Variants in PACRG observed in about 807,000 individuals in gnomAD.
PACRG encodes the protein parkin coregulated, also known as parkin coregulated gene protein.
PACRG carries 29 observed loss-of-function variants against 29.7 expected under a neutral mutation model. The observed-to-expected ratio is 0.98, with a 90% CI of 0.73 to 1.33. The LOEUF (loss-of-function observed/expected upper bound fraction) is 1.33. Ranked by LOEUF, PACRG falls within the 40% of genes most tolerant of loss-of-function variation. PACRG has a pLI of 0.00. For missense variants in PACRG, 279 were observed against 316.2 expected (o/e 0.88, Z 0.89); for synonymous variants, 116 against 118.7 (o/e 0.98, Z 0.15).
intron 2 of PACRG, among the ~76,000 whole-genome samples, chr6:163,037,236 C>T (rs1448858530): frequency 6.6e-6 from 1 of 152,186 alleles, no homozygotes; most frequent in East Asian, 1.9e-4. Flanking sequence ...TCCCTTACTC[C>T]CTTCTCTCCC....
At chr6:162,770,863 T>G (rs879528945) in intron 1 of PACRG, among the ~76,000 whole-genome samples, 1 of 152,162 alleles carries the variant, frequency 6.6e-6, no homozygotes, top group Admixed American at 6.5e-5. Flanking sequence ...GATAAAGATT[T>G]GACTACCTGT....
At chr6:163,218,488 C>T (rs954778374) in intron 4 of PACRG, among the ~76,000 whole-genome samples, 3 of 152,188 alleles carry the variant, frequency 2.0e-5, no homozygotes, top group South Asian at 2.1e-4. Flanking sequence ...TCCATGGCCA[C>T]GTCCTCAACA....
Position 163,068,454 on chromosome 6 carries a change from T to C in PACRG, c.463+6133T>C, listed in dbSNP as rs1585137201. Reference sequence around the variant, plus strand: ...TTTTGAATCTTTATCTCTGGTGATATGAAATTTTATGTGGATATACTTTAA... The same window carrying C: ...TTTTGAATCTTTATCTCTGGTGATACGAAATTTTATGTGGATATACTTTAA... On this transcript the variant is annotated intron_variant, in intron 3 of 4. Coordinates refer to ENST00000366888, the MANE Select transcript of PACRG (RefSeq NM_001080379.2). 1.3e-5 allele frequency among the ~76,000 whole-genome samples: 2 copies of C among 151,502 alleles called. 1 individual carries two copies. Among genetic ancestry groups the C allele is most frequent in the Admixed American group, 1.3e-4 (2 of 15,216 alleles).
At chr6:162,896,937 G>A (rs1795212888) in intron 2 of PACRG, among the ~76,000 whole-genome samples, 1 of 152,210 alleles carries the variant, frequency 6.6e-6, no homozygotes, top group Non-Finnish European at 1.5e-5. Context: ...CTTAATTAAT[G>A]AAGAGAAGTG....
intron 4 of PACRG, among the ~76,000 whole-genome samples, chr6:163,294,301 A>G (rs1784715385): frequency 6.6e-6 from 1 of 152,204 alleles, no homozygotes; most frequent in Non-Finnish European, 1.5e-5. Flanking sequence ...TCATCATAAT[A>G]TTATTTTGTA....
At chr6:163,085,702 C>G (rs1407112372) in intron 3 of PACRG, among the ~76,000 whole-genome samples, 1 of 152,234 alleles carries the variant, frequency 6.6e-6, no homozygotes, top group Non-Finnish European at 1.5e-5. Flanking sequence ...ATGACATCTA[C>G]TCAGCCCTGG....
chr6:162,879,985 C>T (rs748688264), intron 2 of PACRG, among the ~76,000 whole-genome samples: 5 of 152,114 alleles, frequency 3.3e-5, no homozygotes, highest in Admixed American at 6.5e-5. Context: ...TGGTAAGTAC[C>T]GGGCAGTCTC....
chr6:163,305,374 A>G (rs1344762996), intron 4 of PACRG, among the ~76,000 whole-genome samples: 3 of 152,122 alleles, frequency 2.0e-5, no homozygotes, highest in Non-Finnish European at 4.4e-5. Flanking sequence ...TTCTCACTCT[A>G]TTCCTGCGAT....
intron 2 of PACRG, among the ~76,000 whole-genome samples, chr6:163,061,509 G>C (rs1294319716): frequency 6.6e-6 from 1 of 152,226 alleles, no homozygotes; most frequent in African/African-American, 2.4e-5. Flanking sequence ...AGAAGAAGCA[G>C]GCAAAGGGAG....
chr6:162,925,878 C>T (rs62427525), intron 2 of PACRG, among the ~76,000 whole-genome samples: 16,713 of 151,944 alleles, frequency 0.11, 1,235 homozygotes, highest in East Asian at 0.27. Context: ...TTTTAGCAGA[C>T]GACATGATCC....
intron 2 of PACRG, among the ~76,000 whole-genome samples, chr6:162,914,358 G>C (rs1013105659): frequency 1.3e-5 from 2 of 151,904 alleles, no homozygotes; most frequent in African/African-American, 4.8e-5. Flanking sequence ...TAAATTGACC[G>C]TATACATATG....
At chr6:163,123,251 C>G (rs927721877) in intron 4 of PACRG, among the ~76,000 whole-genome samples, 1 of 152,174 alleles carries the variant, frequency 6.6e-6, no homozygotes, top group Non-Finnish European at 1.5e-5. Flanking sequence ...TATGCAAATG[C>G]GGGTCGGCAT....
rs77596342 is a variant in PACRG at position 163,094,595 on chromosome 6, C to A, written c.613+5187C>A. On this transcript the variant is annotated intron_variant, in intron 4 of 4. Transcript: ENST00000366888. ...TAATCAACCATTACTTCCACGAAGG[C>A]AAAATGTTTGTGTTGGTCTTTCCTT... 8.4e-3 allele frequency among the ~76,000 whole-genome samples: 1,286 copies of A among 152,278 alleles called. 20 individuals carry two copies. The highest frequency in any genetic ancestry group is 0.03 in the African/African-American group (1,242 of 41,548).
In PACRG at chr6:163,227,769, G is replaced by A. The variant is rs564618308; in HGVS notation, c.614-87058G>A. On this transcript the variant is annotated intron_variant, in intron 4 of 4. Transcript: ENST00000366888. ...ATAGGTCTGCCTGTTCCATTGAGAC[G>A]AACTGCCCTCCCTGTGGCGAGAATG... Among the ~76,000 whole-genome samples, 160 of 152,232 alleles carry A rather than the reference G, an allele frequency of 1.1e-3. 1 individual carries two copies. Among genetic ancestry groups the A allele is most frequent in the African/African-American group, 3.5e-3 (147 of 41,524 alleles).
intron 2 of PACRG, among the ~76,000 whole-genome samples, chr6:163,003,162 ATTAC>A (rs1804738817): frequency 6.6e-6 from 1 of 152,180 alleles, no homozygotes; most frequent in Non-Finnish European, 1.5e-5. Context: ...TCTTTGCATT[ATTAC>A]TTCTCTTAAA....
intron 2 of PACRG, among the ~76,000 whole-genome samples, chr6:162,911,418 G>A (rs1420153057): frequency 1.3e-5 from 2 of 152,218 alleles, no homozygotes; most frequent in Non-Finnish European, 2.9e-5. Context: ...TAAATGCAAT[G>A]TTCTGGGCCA....
At chr6:163,099,701 A>G (rs983956809) in intron 4 of PACRG, among the ~76,000 whole-genome samples, 4 of 152,188 alleles carry the variant, frequency 2.6e-5, no homozygotes, top group African/African-American at 9.6e-5. Context: ...CACCAAGTGT[A>G]ATTGTTATGC....
At chr6:162,999,470 TTAG>T (rs1804388374) in intron 2 of PACRG, among the ~76,000 whole-genome samples, 1 of 152,216 alleles carries the variant, frequency 6.6e-6, no homozygotes, top group African/African-American at 2.4e-5. Flanking sequence ...AGCCCTGCTC[TTAG>T]TAGAAGCTCA....
chr6:163,032,342 T>C (rs1427313917), intron 2 of PACRG, among the ~76,000 whole-genome samples: 1 of 152,184 alleles, frequency 6.6e-6, no homozygotes, highest in Non-Finnish European at 1.5e-5. Context: ...GTTCTGAAAG[T>C]TTTTTCCTCT....
Sources: allele counts gnomAD v4.1 joint callset (sites outside exome capture counted in the v4.1 genomes callset), GRCh38; gene constraint gnomAD v4.1.1; transcripts MANE v1.5; gene names NCBI Gene and HGNC (gene_info 2026-07-23, HGNC 2026-07-21).